Variants in CLASP1 observed in about 807,000 individuals in gnomAD.
CLASP1 encodes the protein CLIP-associating protein 1.
CLASP1 carries 38 observed loss-of-function variants against 192.3 expected under a neutral mutation model. The observed-to-expected ratio is 0.20, with a 90% confidence interval of 0.15 to 0.26. The LOEUF is 0.26. Among genes scored for constraint, CLASP1 ranks in the 10% least tolerant of loss-of-function variants. The probability of loss-of-function intolerance (pLI) is 1.00; values close to 1 mark genes in which losing one functional copy is unlikely to be tolerated. For synonymous variants in CLASP1, 691 were observed against 712.8 expected, an observed-to-expected ratio of 0.97 and a Z score of 0.49; for missense variants, 1,433 against 1,932.5, an observed-to-expected ratio of 0.74 and a Z score of 4.85.
intron 2 of CLASP1, chr2:121,531,108 G>C (rs900132371): frequency 3.1e-6 from 2 of 640,308 alleles, no homozygotes; most frequent in South Asian, 1.6e-5. Context: ...CAAGACGCGT[G>C]GTTTTAGTGT....
chr2:121,594,020 C>T (rs1299105516), intron 2 of CLASP1, among the ~76,000 whole-genome samples: 1 of 148,992 alleles, frequency 6.7e-6, no homozygotes, highest in Non-Finnish European at 1.5e-5. Flanking sequence ...AAAAAAAGGC[C>T]TGGCGCGGTG....
chr2:121,402,205 G>A (rs2076241416), intron 26 of CLASP1, among the ~76,000 whole-genome samples: 1 of 152,118 alleles, frequency 6.6e-6, no homozygotes, highest in African/African-American at 2.4e-5. Flanking sequence ...TGTAGCTATT[G>A]CTTTTCACGT....
chr2:121,623,376 T>G (rs577031280), intron 1 of CLASP1, among the ~76,000 whole-genome samples: 2 of 152,362 alleles, frequency 1.3e-5, no homozygotes, highest in African/African-American at 4.8e-5. Flanking sequence ...ATTCCTGGGA[T>G]AATTCCCACT....
rs745774776 is a variant in CLASP1, at chr2:121,401,629, A to G, written c.2780T>C (p.Ile927Thr). Residue 927 changes from isoleucine (I) to threonine (T), a missense_variant, in exon 28 of 40, where the codon ATT becomes ACT. Physicochemically the swap from Ile to Thr is moderately conservative, Grantham distance 89. Coordinates refer to ENST00000263710, the Ensembl canonical transcript of CLASP1. The stretch of plus-strand genomic sequence containing the variant: ...CCAGTCTTGTAAATCATCCTTATGA[A>G]TTATTATAAAATCCACAAGAGTCTC... 1.4e-5 allele frequency: 23 copies of G among 1,612,464 alleles called. No homozygotes were observed. The highest frequency in any genetic ancestry group is 2.0e-5 in the Non-Finnish European group (23 of 1,178,970).
At position 121,529,830 on chromosome 2, in the gene CLASP1, G is replaced by T. The variant is rs374948308; in HGVS notation, c.274+417C>A. ...TCAAGGAAAACTGCCTCTCATTAAA[G>T]GGGACCGGGGTCAGGGTAAAATATG... On this transcript the variant is annotated intron_variant, in intron 3 of 39. Transcript: ENST00000263710. 5.9e-5 allele frequency among the ~76,000 whole-genome samples: 9 copies of T among 152,370 alleles called. No individual in the cohort carries two copies. The South Asian group carries it at 1.7e-3, about 28-fold the overall frequency.
At chr2:121,626,053 T>C (rs2068297897) in intron 1 of CLASP1, among the ~76,000 whole-genome samples, 1 of 149,588 alleles carries the variant, frequency 6.7e-6, no homozygotes, top group Non-Finnish European at 1.5e-5. Context: ...TGAGCTGAGA[T>C]GGCACCACTG....
chr2:121,530,952 C>A (rs549662600), intron 2 of CLASP1: 6 of 700,300 alleles, frequency 8.6e-6, no homozygotes, highest in African/African-American at 1.7e-5. Context: ...AACGCCTGAA[C>A]AACACACCCG....
At chr2:121,409,014 G>T in intron 24 of CLASP1, 1 of 1,559,964 alleles carries the variant, frequency 6.4e-7, no homozygotes, top group Non-Finnish European at 8.7e-7. Context: ...AAAAGTTAAA[G>T]GACTGGTACC....
intron 6 of CLASP1, among the ~76,000 whole-genome samples, chr2:121,518,506 TGACA>T (rs2094379849): frequency 6.6e-6 from 1 of 152,148 alleles, no homozygotes; most frequent in Admixed American, 6.5e-5. Context: ...CAGCCAGAGC[TGACA>T]AACACAGATT....
At chr2:121,476,478 A>T (rs78701736) in intron 8 of CLASP1, among the ~76,000 whole-genome samples, 1 of 152,240 alleles carries the variant, frequency 6.6e-6, no homozygotes, top group Non-Finnish European at 1.5e-5. Flanking sequence ...ACTTGTAATT[A>T]GAAGCTTTGG....
intron 14 of CLASP1, among the ~76,000 whole-genome samples, chr2:121,452,685 G>A (rs1323733678): frequency 6.6e-6 from 1 of 152,122 alleles, no homozygotes; most frequent in Non-Finnish European, 1.5e-5. Flanking sequence ...CAGCTACTCA[G>A]GAGGCTGAGG....
At position 121,448,268 on chromosome 2, in the gene CLASP1, A is replaced by G. The variant is rs2084756315; in HGVS notation, c.1741+8T>C. The G allele has an allele frequency of 1.2e-6, 2 of 1,613,004 alleles. No homozygotes were observed. Among genetic ancestry groups the G allele is most frequent in the Non-Finnish European group, 1.7e-6 (2 of 1,178,892 alleles). The stretch of plus-strand genomic sequence containing the variant: ...AGAACAGGCCTTCTCCACGGCTGTC[A>G]GTCTCACCTCTAGATGTGGTACTTC... On this transcript the variant is annotated splice_region_variant and intron_variant, in intron 18 of 39. Coordinates refer to ENST00000263710, the Ensembl canonical transcript of CLASP1.
exon 40 of CLASP1, chr2:121,340,849 C>A (rs1282681617): frequency 6.2e-7 from 1 of 1,605,066 alleles, no homozygotes; most frequent in East Asian, 2.2e-5. Flanking sequence ...ACACAAGAGA[C>A]AGGTACTGCC....
At chr2:121,496,521 T>A (rs1172273547) in intron 8 of CLASP1, among the ~76,000 whole-genome samples, 4 of 152,128 alleles carry the variant, frequency 2.6e-5, no homozygotes, top group Admixed American at 6.5e-5. Flanking sequence ...AATCTAGTCA[T>A]CTCAGATACT....
At chr2:121,613,863 A>G (rs946991220) in intron 1 of CLASP1, among the ~76,000 whole-genome samples, 3 of 152,198 alleles carry the variant, frequency 2.0e-5, no homozygotes, top group African/African-American at 7.2e-5. Context: ...CCATAAGTCT[A>G]CGAGGTGGCT....
exon 11 of CLASP1, chr2:121,461,124 C>A: frequency 6.2e-7 from 1 of 1,605,370 alleles, no homozygotes. Flanking sequence ...TGCTCCCAAT[C>A]ATGCTTGTCA....
At chr2:121,457,588 A>G (rs2086973158) in intron 14 of CLASP1, 99 bp downstream of exon 14, 1 of 850,336 alleles carries the variant, frequency 1.2e-6, no homozygotes, top group South Asian at 1.6e-5. Flanking sequence ...AGTAATACTA[A>G]GCATGTTATA....
In CLASP1 at chr2:121,348,536, G is replaced by A. The variant is rs768631975; in HGVS notation, c.4389C>T (p.Val1463=). Residue 1463 remains valine (V), a synonymous_variant, in exon 38 of 40, where the codon GTC becomes GTT. Transcript: ENST00000263710. ...CCTGCAGCAAGCCTGGGATGATGTC[G>A]ACAAGGAGCTGCAGCAATGACTCCT... is the stretch of plus-strand genomic sequence containing the variant. 4.2e-5 allele frequency: 68 copies of A among 1,611,460 alleles called. 1 individual carries two copies. In the Admixed American group the frequency reaches 9.4e-4, roughly 22 times the overall value.
At chr2:121,464,824 T>C (rs1219670936) in intron 9 of CLASP1, among the ~76,000 whole-genome samples, 3 of 152,188 alleles carry the variant, frequency 2.0e-5, no homozygotes, top group Non-Finnish European at 4.4e-5. Context: ...GGTAGTTTCT[T>C]TTGCTGTGCA....
Sources: gnomAD v4.1 joint callset for allele counts (sites outside exome capture counted in the v4.1 genomes callset) on GRCh38, gnomAD v4.1.1 for gene constraint, MANE v1.5 for transcripts, NCBI Gene and HGNC (gene_info 2026-07-23, HGNC 2026-07-21) for gene names.